Variants in NXPH2 observed in about 807,000 individuals in gnomAD.
The protein encoded by NXPH2 is neurexophilin-2.
Under a neutral mutation model 19.8 loss-of-function variants are expected in NXPH2, and 5 were observed. The observed-to-expected ratio is 0.25, with a 90% CI of 0.13 to 0.53. The LOEUF (loss-of-function observed/expected upper bound fraction) is 0.53. Ranked by LOEUF, NXPH2 falls within the 20% of genes least tolerant of loss-of-function variation. NXPH2 has a pLI of 0.96. For missense variants in NXPH2, 289 were observed against 322.8 expected, an observed-to-expected ratio of 0.90 and a Z score of 0.80; for synonymous variants, 154 against 127.4, an observed-to-expected ratio of 1.21 and a Z score of -1.41.
intron 1 of NXPH2, among the ~76,000 whole-genome samples, chr2:138,729,140 G>T (rs1681405712): frequency 6.6e-6 from 1 of 152,136 alleles, no homozygotes; most frequent in African/African-American, 2.4e-5. Context: ...AACAGCTTTA[G>T]TGCCTGATAC....
chr2:138,688,391 A>G (rs994260999), intron 1 of NXPH2, among the ~76,000 whole-genome samples: 3 of 152,174 alleles, frequency 2.0e-5, no homozygotes, highest in Non-Finnish European at 4.4e-5. Flanking sequence ...TGTGTTGCCC[A>G]GGCTGGTCTT....
At chr2:138,721,201 C>T (rs1031399555) in intron 1 of NXPH2, among the ~76,000 whole-genome samples, 4 of 151,996 alleles carry the variant, frequency 2.6e-5, no homozygotes, top group African/African-American at 4.8e-5. Flanking sequence ...ATTAGCCAGA[C>T]GTGGTGGTCT....
chr2:138,765,873 A>T (rs1682081392), intron 1 of NXPH2, among the ~76,000 whole-genome samples: 1 of 152,220 alleles, frequency 6.6e-6, no homozygotes, highest in Non-Finnish European at 1.5e-5. Flanking sequence ...AATATTTGTG[A>T]TTGCCAATTT....
At chr2:138,674,369 G>T (rs1680455777) in intron 1 of NXPH2, among the ~76,000 whole-genome samples, 1 of 151,902 alleles carries the variant, frequency 6.6e-6, no homozygotes, top group Non-Finnish European at 1.5e-5. Flanking sequence ...GGCCAGGCTG[G>T]TCTCAAACTC....
At chr2:138,739,986 A>G (rs1681617762) in intron 1 of NXPH2, among the ~76,000 whole-genome samples, 1 of 152,148 alleles carries the variant, frequency 6.6e-6, no homozygotes, top group African/African-American at 2.4e-5. Context: ...TAGCTGTGGT[A>G]ATTTTGCCCT....
chr2:138,773,465 A>G (rs1682209395), intron 1 of NXPH2, among the ~76,000 whole-genome samples: 1 of 152,200 alleles, frequency 6.6e-6, no homozygotes, highest in Admixed American at 6.6e-5. Flanking sequence ...CATTGAAAAG[A>G]TCATACAGAT....
intron 1 of NXPH2, among the ~76,000 whole-genome samples, chr2:138,696,651 G>A (rs1280248589): frequency 1.3e-5 from 2 of 152,040 alleles, no homozygotes; most frequent in East Asian, 3.9e-4. Flanking sequence ...TTGTTGGTGG[G>A]AAAATAAAAT....
At chr2:138,757,364 G>A (rs1681928154) in intron 1 of NXPH2, among the ~76,000 whole-genome samples, 1 of 152,160 alleles carries the variant, frequency 6.6e-6, no homozygotes. Flanking sequence ...GCATGAACAT[G>A]AAGCAGCAGC....
intron 1 of NXPH2, among the ~76,000 whole-genome samples, chr2:138,736,271 G>A (rs1213137734): frequency 6.6e-6 from 1 of 152,190 alleles, no homozygotes; most frequent in Admixed American, 6.5e-5. Flanking sequence ...CCCCACCCTT[G>A]CAGCAAACTT....
intron 1 of NXPH2, among the ~76,000 whole-genome samples, chr2:138,689,530 G>A (rs941100510): frequency 6.6e-6 from 1 of 152,152 alleles, no homozygotes; most frequent in African/African-American, 2.4e-5. Flanking sequence ...TTCCAGGAGT[G>A]CCCATGTTGA....
intron 1 of NXPH2, among the ~76,000 whole-genome samples, chr2:138,756,148 C>G (rs528877660): frequency 6.6e-6 from 1 of 151,828 alleles, no homozygotes; most frequent in Non-Finnish European, 1.5e-5. Context: ...ATTAATTACT[C>G]TTTATGTAAT....
chr2:138,772,890 G>T (rs1044764479), intron 1 of NXPH2, among the ~76,000 whole-genome samples: 2 of 152,210 alleles, frequency 1.3e-5, no homozygotes, highest in Non-Finnish European at 2.9e-5. Flanking sequence ...TGCTTTTGTT[G>T]CTTCACCTGT....
chr2:138,700,607 C>T (rs1385032701), intron 1 of NXPH2, among the ~76,000 whole-genome samples: 1 of 152,086 alleles, frequency 6.6e-6, no homozygotes, highest in East Asian at 1.9e-4. Context: ...TTTGTTATGG[C>T]TCTTTAGGCC....
intron 1 of NXPH2, among the ~76,000 whole-genome samples, chr2:138,691,768 G>A (rs1680750517): frequency 6.6e-6 from 1 of 152,102 alleles, no homozygotes; most frequent in Non-Finnish European, 1.5e-5. Flanking sequence ...CCCTTCCAAG[G>A]ACCCAAGTAT....
At chr2:138,719,537 C>A (rs76166584) in intron 1 of NXPH2, among the ~76,000 whole-genome samples, 30,322 of 152,052 alleles carry the variant, frequency 0.2, 3,145 homozygotes, top group African/African-American at 0.25. Flanking sequence ...GTAAGAAAAG[C>A]AAGTATATGA....
At chr2:138,699,412 C>T (rs1269527089) in intron 1 of NXPH2, among the ~76,000 whole-genome samples, 1 of 152,128 alleles carries the variant, frequency 6.6e-6, no homozygotes, top group Non-Finnish European at 1.5e-5. Flanking sequence ...ACAAGGCAAT[C>T]TAGATTACCA....
At chr2:138,734,244 C>T (rs1014705945) in intron 1 of NXPH2, among the ~76,000 whole-genome samples, 5 of 151,784 alleles carry the variant, frequency 3.3e-5, no homozygotes, top group African/African-American at 1.2e-4. Flanking sequence ...GACTCTGTCA[C>T]AAAAAAGAAG....
chr2:138,761,515 G>C (rs1051235275), intron 1 of NXPH2, among the ~76,000 whole-genome samples: 19 of 152,156 alleles, frequency 1.2e-4, no homozygotes, highest in African/African-American at 4.3e-4. Context: ...CCTCCTGTTG[G>C]TTTCAAGAAA....
At chr2:138,732,989 T>C (rs1402198747) in intron 1 of NXPH2, among the ~76,000 whole-genome samples, 1 of 152,256 alleles carries the variant, frequency 6.6e-6, no homozygotes, top group Admixed American at 6.5e-5. Context: ...TTCATGTAGC[T>C]GCTGTGACTT....
Sources: allele counts gnomAD v4.1 joint callset (sites outside exome capture counted in the v4.1 genomes callset), GRCh38; gene constraint gnomAD v4.1.1; transcripts MANE v1.5; gene names NCBI Gene and HGNC (gene_info 2026-07-23, HGNC 2026-07-21).